ASRGL1: variants seen among roughly 807,000 people sequenced by gnomAD.
The protein encoded by ASRGL1 is isoaspartyl peptidase/L-asparaginase.
ASRGL1 carries 16 observed loss-of-function variants against 22.4 expected under a neutral mutation model. That is an observed-to-expected ratio of 0.71 (90% CI 0.48 to 1.08). The LOEUF (loss-of-function observed/expected upper bound fraction) is 1.08, where lower values mean the gene tolerates loss of function less well. ASRGL1 is among the 50% of genes least tolerant of loss of function. The pLI, the probability that ASRGL1 is intolerant of heterozygous loss-of-function variation, is 0.00. For synonymous variants in ASRGL1, 165 were observed against 159.3 expected, an observed-to-expected ratio of 1.04 and a Z score of -0.27; for missense variants, 412 against 410.1, an observed-to-expected ratio of 1.00 and a Z score of -0.04.
chr11:62,346,220 C>G (rs1470877794), intron 2 of ASRGL1, among the ~76,000 whole-genome samples: 1 of 152,096 alleles, frequency 6.6e-6, no homozygotes, highest in Non-Finnish European at 1.5e-5. Context: ...AGTTAATTTG[C>G]TAGGGTAGCT....
chr11:62,392,491 C>T lies in ASRGL1; in HGVS notation c.*207C>T. ...GCCCGTATTAGGAGGATTACTTGAG[C>T]CCAGGAGGTCAAAGCTGAGGTGAGC... On this transcript the variant is annotated 3_prime_UTR_variant, in exon 7 of 7. Coordinates refer to ENST00000415229, the MANE Select transcript of ASRGL1 (RefSeq NM_001083926.2). 7 of 643,632 alleles carry T rather than the reference C, an allele frequency of 1.1e-5. No homozygotes were observed. The highest frequency in any genetic ancestry group is 1.9e-5 in the Non-Finnish European group (7 of 376,618). 39.9% of individuals were successfully genotyped at this position (643,632 alleles called of 1,614,324 possible). A position where few individuals can be genotyped will look rare whatever the true frequency, so the allele number is the denominator to read the frequency against.
chr11:62,391,990 C>A, intron 6 of ASRGL1, 89 bp from the exon 7 acceptor site: 1 of 1,459,072 alleles, frequency 6.9e-7, no homozygotes, highest in Non-Finnish European at 9.6e-7. Context: ...TCCTTGCTAG[C>A]TCACTTTGGC....
chr11:62,395,051 T>C (rs2134712899), downstream of ASRGL1, among the ~76,000 whole-genome samples: 1 of 152,326 alleles, frequency 6.6e-6, no homozygotes, highest in South Asian at 2.1e-4. Flanking sequence ...GGGAAGGTAC[T>C]CTATCTGGAT....
At chr11:62,346,443 G>T (rs1165659882) in intron 2 of ASRGL1, among the ~76,000 whole-genome samples, 1 of 152,048 alleles carries the variant, frequency 6.6e-6, no homozygotes, top group Non-Finnish European at 1.5e-5. Context: ...AGGTTTTTAT[G>T]GAGGCTTCTG....
At chr11:62,355,911 CAT>C (rs1466963174) in intron 2 of ASRGL1, among the ~76,000 whole-genome samples, 2 of 152,278 alleles carry the variant, frequency 1.3e-5, no homozygotes, top group East Asian at 1.9e-4. Context: ...GGACACAGCA[CAT>C]GTTTCAGAGA....
At chr11:62,384,973 C>T (rs569325541) in intron 4 of ASRGL1, among the ~76,000 whole-genome samples, 125 of 145,530 alleles carry the variant, frequency 8.6e-4, no homozygotes, top group Admixed American at 1.3e-3. Flanking sequence ...AGAAAAATAC[C>T]GATTTTTCAA....
intron 4 of ASRGL1, among the ~76,000 whole-genome samples, chr11:62,374,905 G>A (rs1946872474): frequency 1.3e-5 from 2 of 152,044 alleles, no homozygotes; most frequent in African/African-American, 2.4e-5. Context: ...CATTTCCCTG[G>A]ACAGGTCTCT....
intron 2 of ASRGL1, among the ~76,000 whole-genome samples, chr11:62,343,499 A>T (rs1164960230): frequency 6.6e-6 from 1 of 151,722 alleles, no homozygotes; most frequent in Non-Finnish European, 1.5e-5. Flanking sequence ...GGAGGCCGAC[A>T]TGGGTGGATC....
chr11:62,343,850 T>C (rs1468578723), intron 2 of ASRGL1, among the ~76,000 whole-genome samples: 1 of 151,976 alleles, frequency 6.6e-6, no homozygotes, highest in African/African-American at 2.4e-5. Flanking sequence ...CTTACGATGT[T>C]GATTTGCATT....
At position 62,389,264 on chromosome 11, in the gene ASRGL1, G is replaced by A; in HGVS notation, c.610+13G>A. On this transcript the variant is annotated intron_variant, in intron 5 of 6. Coordinates refer to ENST00000415229, the MANE Select transcript of ASRGL1 (RefSeq NM_001083926.2). ...TCACCGTGTCTAGGTAGGACCAAGG[G>A]ATGCCTCCTGCCCCTTCCCCTCTTC... 6.2e-7 allele frequency: 1 copy of A among 1,601,672 alleles called. No homozygotes were observed. The highest frequency in any genetic ancestry group is 8.6e-7 in the Non-Finnish European group (1 of 1,168,710).
rs113498313 is a variant in ASRGL1, at chr11:62,350,653, G to A, written c.191-5672G>A. Among the ~76,000 whole-genome samples, 785 of 152,188 alleles carry A rather than the reference G, an allele frequency of 5.2e-3. 2 individuals carry two copies. Among genetic ancestry groups the A allele is most frequent in the African/African-American group, 0.015 (620 of 41,502 alleles). On this transcript the variant is annotated intron_variant, in intron 2 of 6. Coordinates refer to ENST00000415229, the MANE Select transcript of ASRGL1 (RefSeq NM_001083926.2). ...TCTACTAAAAATACAAAAATTAGCCGGGCGTGGTGGCACATACCTATAGTC... is the reference window on the plus strand; with the variant it reads ...TCTACTAAAAATACAAAAATTAGCCAGGCGTGGTGGCACATACCTATAGTC...
At chr11:62,370,020 A>G (rs1481913398) in intron 4 of ASRGL1, among the ~76,000 whole-genome samples, 1 of 152,194 alleles carries the variant, frequency 6.6e-6, no homozygotes, top group Non-Finnish European at 1.5e-5. Context: ...CTGTCTGAAC[A>G]GAAGAGTACA....
intron 4 of ASRGL1, among the ~76,000 whole-genome samples, chr11:62,385,569 A>T (rs1947181124): frequency 6.6e-6 from 1 of 152,248 alleles, no homozygotes; most frequent in Non-Finnish European, 1.5e-5. Flanking sequence ...TTTTTGCCAC[A>T]TAAAAGATTT....
Position 62,360,136 on chromosome 11 carries a change from G to GTTC in ASRGL1, c.491+2994_491+2996dup, listed in dbSNP as rs1407596378. Among the ~76,000 whole-genome samples the GTTC allele has an allele frequency of 2.0e-5, 3 of 150,970 alleles. No individual in the cohort carries two copies. The East Asian group carries it at 5.8e-4, about 29-fold the overall frequency. On this transcript the variant is annotated intron_variant, in intron 4 of 6. Coordinates refer to ENST00000415229, the MANE Select transcript of ASRGL1 (RefSeq NM_001083926.2). ...AACCTCTGCCTCCCAGGTTCTAGCA[G>GTTC]TTCTCCTCAGCCTCCTGAGTAGCTG... is the stretch of plus-strand genomic sequence containing the variant.
At chr11:62,378,628 A>T (rs563520938) in intron 4 of ASRGL1, among the ~76,000 whole-genome samples, 15 of 152,164 alleles carry the variant, frequency 9.9e-5, no homozygotes, top group African/African-American at 3.6e-4. Flanking sequence ...GAGAGGCCCC[A>T]TGGGTTGAAT....
At chr11:62,386,485 TATATGTA>T (rs1565174637) in intron 4 of ASRGL1, among the ~76,000 whole-genome samples, 16 of 141,878 alleles carry the variant, frequency 1.1e-4, no homozygotes, top group Middle Eastern at 3.8e-3. Context: ...TATGTACATA[TATATGTA>T]CATATATAGA....
chr11:62,394,137 AAT>A (rs1947400160), downstream of ASRGL1, among the ~76,000 whole-genome samples: 1 of 127,752 alleles, frequency 7.8e-6, no homozygotes, highest in African/African-American at 2.7e-5. Context: ...TATATAATAA[AAT>A]ATATAACATT....
intron 2 of ASRGL1, among the ~76,000 whole-genome samples, chr11:62,341,350 C>A (rs533586741): frequency 6.6e-6 from 1 of 152,018 alleles, no homozygotes; most frequent in Non-Finnish European, 1.5e-5. Context: ...AGGCACCCAC[C>A]ACCAGGACCA....
Position 62,386,812 on chromosome 11 carries a change from C to G in ASRGL1, c.492-2321C>G, listed in dbSNP as rs115371201. ...ACAGCAGTACTGAATGAGAGTTCCA[C>G]TTCCTGCACATCCTTGCCAGGTTTG... On this transcript the variant is annotated intron_variant, in intron 4 of 6. Coordinates refer to ENST00000415229, the MANE Select transcript of ASRGL1 (RefSeq NM_001083926.2). 4.6e-3 allele frequency among the ~76,000 whole-genome samples: 700 copies of G among 152,256 alleles called. 10 individuals carry two copies. Among genetic ancestry groups the G allele is most frequent in the African/African-American group, 0.016 (671 of 41,542 alleles).
Sources: allele counts gnomAD v4.1 joint callset (sites outside exome capture counted in the v4.1 genomes callset), GRCh38; gene constraint gnomAD v4.1.1; transcripts MANE v1.5; gene names NCBI Gene and HGNC (gene_info 2026-07-23, HGNC 2026-07-21).